Variants in DNAH11 observed in about 807,000 individuals in gnomAD.
DNAH11 encodes dynein axonemal heavy chain 11.
In DNAH11, 442 loss-of-function variants were observed where a neutral mutation model predicts 526.0. The ratio of observed to expected loss-of-function variants is 0.84; its 90% confidence interval spans 0.78 to 0.91. The LOEUF (loss-of-function observed/expected upper bound fraction) is 0.91, where lower values mean the gene tolerates loss of function less well. Ranked by LOEUF, DNAH11 falls within the 40% of genes least tolerant of loss-of-function variation. The probability of loss-of-function intolerance (pLI) is 0.00; values close to 1 mark genes in which losing one functional copy is unlikely to be tolerated. For missense variants in DNAH11, 6,989 were observed against 5,448.7 expected (o/e 1.28, Z -8.90); for synonymous variants, 2,461 against 1,935.9 (o/e 1.27, Z -7.12).
At chr7:21,891,706 A>G (rs1784332812) in intron 76 of DNAH11, among the ~76,000 whole-genome samples, 1 of 152,156 alleles carries the variant, frequency 6.6e-6, no homozygotes, top group Non-Finnish European at 1.5e-5. Flanking sequence ...CGCTTTCTCC[A>G]GCCTTTCACT....
intron 56 of DNAH11, among the ~76,000 whole-genome samples, chr7:21,775,504 G>T (rs1787633314): frequency 6.6e-6 from 1 of 151,876 alleles, no homozygotes; most frequent in Non-Finnish European, 1.5e-5. Context: ...TGTAGACCCA[G>T]CCACTTGAAA....
intron 49 of DNAH11, among the ~76,000 whole-genome samples, chr7:21,744,190 G>T (rs1012858157): frequency 1.3e-5 from 2 of 152,216 alleles, no homozygotes; most frequent in Non-Finnish European, 2.9e-5. Context: ...GTGATATTTA[G>T]TGCCTGTGCT....
At chr7:21,843,584 G>A (rs1022779590) in intron 66 of DNAH11, among the ~76,000 whole-genome samples, 5 of 151,570 alleles carry the variant, frequency 3.3e-5, no homozygotes, top group East Asian at 1.9e-4. Flanking sequence ...GGGTTCAAGC[G>A]ATTCTTCTGC....
chr7:21,857,964 A>T (rs1782915961), intron 68 of DNAH11, among the ~76,000 whole-genome samples: 1 of 152,170 alleles, frequency 6.6e-6, no homozygotes, highest in Non-Finnish European at 1.5e-5. Context: ...GGTTTTCAAA[A>T]GATATGAAGA....
chr7:21,885,463 G>T (rs2128044331), intron 76 of DNAH11, among the ~76,000 whole-genome samples: 1 of 152,052 alleles, frequency 6.6e-6, no homozygotes, highest in Non-Finnish European at 1.5e-5. Context: ...TGGGGAAGGG[G>T]AGAATGGGGA....
At chr7:21,859,488 C>G (rs1200623498) in intron 68 of DNAH11, among the ~76,000 whole-genome samples, 3 of 152,174 alleles carry the variant, frequency 2.0e-5, no homozygotes, top group Admixed American at 6.5e-5. Flanking sequence ...ATTCAAACAT[C>G]TGAAAAAATC....
chr7:21,561,045 G>A (rs1562661399), intron 4 of DNAH11, 26 bp from the exon 5 acceptor site: 1 of 1,478,384 alleles, frequency 6.8e-7, no homozygotes, highest in Admixed American at 2.0e-5. Context: ...ATTTATTAAA[G>A]TTCTTCTTTT....
chr7:21,763,810 A>C (rs1583669556), intron 54 of DNAH11, among the ~76,000 whole-genome samples: 1 of 149,102 alleles, frequency 6.7e-6, no homozygotes, highest in South Asian at 2.2e-4. Context: ...ACATATACAT[A>C]TACATATATA....
Position 21,704,969 on chromosome 7 carries a change from G to C in DNAH11, c.6468+341G>C, listed in dbSNP as rs538949311. Among the ~76,000 whole-genome samples the C allele has an allele frequency of 4.6e-5, 7 of 152,266 alleles. No homozygotes were observed. In the South Asian group the frequency reaches 1.4e-3, roughly 32 times the overall value. On this transcript the variant is annotated intron_variant, in intron 38 of 81. Transcript: ENST00000409508. ...GAACATTGGAAGTAAAATCATTAGT[G>C]CCTGCTTTTAATGAGGGAAGAATGA...
chr7:21,643,203 T>C (rs766712142), intron 28 of DNAH11, among the ~76,000 whole-genome samples: 1 of 152,186 alleles, frequency 6.6e-6, no homozygotes, highest in Non-Finnish European at 1.5e-5. Flanking sequence ...AGAAAAACAT[T>C]TGTATTTTTT....
intron 74 of DNAH11, among the ~76,000 whole-genome samples, chr7:21,874,325 A>C (rs1008694504): frequency 2.1e-5 from 1 of 48,306 alleles, no homozygotes; most frequent in African/African-American, 1.2e-4. Flanking sequence ...GAATACTTAC[A>C]TGGTTTTTTT....
At chr7:21,584,853 A>G (rs1487627917) in intron 9 of DNAH11, among the ~76,000 whole-genome samples, 6 of 152,046 alleles carry the variant, frequency 3.9e-5, no homozygotes, top group Non-Finnish European at 5.9e-5. Context: ...TCTTGCCTTT[A>G]TAACAGAATT....
intron 65 of DNAH11, among the ~76,000 whole-genome samples, chr7:21,841,811 A>C (rs1782214870): frequency 6.6e-6 from 1 of 152,198 alleles, no homozygotes; most frequent in Admixed American, 6.5e-5. Flanking sequence ...AATGCACGAC[A>C]CTGAACATTG....
rs550049526 is a variant in DNAH11, at chr7:21,835,782, G to A, written c.10692-6762G>A. 5.9e-5 allele frequency among the ~76,000 whole-genome samples: 9 copies of A among 151,740 alleles called. No individual in the cohort carries two copies. The South Asian group carries it at 1.9e-3, about 32-fold the overall frequency. On this transcript the variant is annotated intron_variant, in intron 65 of 81. Coordinates refer to ENST00000409508, the MANE Select transcript of DNAH11 (RefSeq NM_001277115.2). ...GCAGCAAGTAAGTAAGAGAACTAAA[G>A]GGCATCCAAATTGGAAAGAAGAAAG...
At chr7:21,795,434 C>T (rs1211187108) in intron 61 of DNAH11, among the ~76,000 whole-genome samples, 1 of 152,264 alleles carries the variant, frequency 6.6e-6, no homozygotes, top group African/African-American at 2.4e-5. Context: ...TTATTCCACA[C>T]ACCCTACACA....
chr7:21,720,906 A>C, intron 44 of DNAH11, 50 bp downstream of exon 44: 1 of 1,595,192 alleles, frequency 6.3e-7, no homozygotes, highest in South Asian at 1.1e-5. Flanking sequence ...TGTGTGGGAC[A>C]GGGTCATGGG....
intron 36 of DNAH11, among the ~76,000 whole-genome samples, chr7:21,701,499 AG>A (rs1237082802): frequency 2.6e-5 from 4 of 152,090 alleles, no homozygotes; most frequent in African/African-American, 9.7e-5. Flanking sequence ...CCTGTTGCCC[AG>A]GCTGGTCTGG....
At chr7:21,777,783 A>G (rs1449141633) in intron 56 of DNAH11, among the ~76,000 whole-genome samples, 1 of 152,162 alleles carries the variant, frequency 6.6e-6, no homozygotes, top group Non-Finnish European at 1.5e-5. Context: ...TCATAGCTTA[A>G]TCTATAATAG....
intron 66 of DNAH11, chr7:21,851,593 T>G (rs1338507266): frequency 2.1e-6 from 1 of 471,540 alleles, no homozygotes; most frequent in Non-Finnish European, 4.4e-6. Flanking sequence ...AGAGCTGGTG[T>G]AGATTTTATC....
Sources: gnomAD v4.1 joint callset for allele counts (sites outside exome capture counted in the v4.1 genomes callset) on GRCh38, gnomAD v4.1.1 for gene constraint, MANE v1.5 for transcripts, NCBI Gene and HGNC (gene_info 2026-07-23, HGNC 2026-07-21) for gene names.